TBC1D1: variants seen among roughly 807,000 people sequenced by gnomAD.
The protein encoded by TBC1D1 is TBC1 domain family member 1, also known as TBC1 (tre-2/USP6, BUB2, cdc16) domain family, member 1.
A neutral mutation model predicts 125.6 loss-of-function variants in TBC1D1; 89 were observed. The ratio of observed to expected loss-of-function variants is 0.71; its 90% CI spans 0.60 to 0.85. TBC1D1 has a LOEUF of 0.85. TBC1D1 is among the 40% of genes least tolerant of loss of function. The probability of loss-of-function intolerance (pLI) is 0.00; values close to 1 mark genes in which losing one functional copy is unlikely to be tolerated. For synonymous variants in TBC1D1, 565 were observed against 564.1 expected (o/e 1.00, Z -0.02); for missense variants, 1,377 against 1,469.2 (o/e 0.94, Z 1.03).
chr4:37,925,376 G>A (rs1721855877), intron 2 of TBC1D1, among the ~76,000 whole-genome samples: 1 of 152,090 alleles, frequency 6.6e-6, no homozygotes, highest in South Asian at 2.1e-4. Context: ...TAGGTGGAAG[G>A]AACAAAGAAA....
chr4:38,101,948 T>C (rs976654039), intron 14 of TBC1D1, among the ~76,000 whole-genome samples: 4 of 152,066 alleles, frequency 2.6e-5, no homozygotes, highest in Admixed American at 2.0e-4. Flanking sequence ...AAGGATTCTG[T>C]GGAACCTTGA....
intron 2 of TBC1D1, among the ~76,000 whole-genome samples, chr4:38,009,038 A>C (rs1475923130): frequency 2.6e-5 from 4 of 152,214 alleles, no homozygotes; most frequent in Non-Finnish European, 4.4e-5. Flanking sequence ...GATTTAAGTA[A>C]TAGGCACTCA....
At chr4:37,976,616 C>T (rs1463872196) in intron 2 of TBC1D1, among the ~76,000 whole-genome samples, 4 of 151,816 alleles carry the variant, frequency 2.6e-5, no homozygotes, top group Admixed American at 6.6e-5. Flanking sequence ...CCACCTGACA[C>T]ATGCATAACA....
chr4:37,948,603 G>A (rs558498473), intron 2 of TBC1D1, among the ~76,000 whole-genome samples: 1 of 150,236 alleles, frequency 6.7e-6, no homozygotes, highest in East Asian at 2.0e-4. Flanking sequence ...ACTCCAGCCT[G>A]GGCAACAGAG....
In TBC1D1 at chr4:38,104,159, CAAAAAAAA is replaced by C. The variant is rs71658758; in HGVS notation, c.2557+1019_2557+1026del. On this transcript the variant is annotated intron_variant, in intron 15 of 19. Coordinates refer to ENST00000261439, the MANE Select transcript of TBC1D1 (RefSeq NM_015173.4). ...TGGGTGACAGAATGAGACTCTGTCT[CAAAAAAAA>C]AAAAAAAAAAAAAAAAGTGTATGGG... is the stretch of plus-strand genomic sequence containing the variant. Among the ~76,000 whole-genome samples the C allele has an allele frequency of 5.1e-3, 424 of 83,950 alleles. 4 individuals carry two copies. Among genetic ancestry groups the C allele is most frequent in the African/African-American group, 0.016 (355 of 22,218 alleles). 55.1% of individuals were successfully genotyped at this position (83,950 alleles called of 152,430 possible).
chr4:37,960,356 T>C (rs1729731064), intron 2 of TBC1D1: 8 of 1,286,144 alleles, frequency 6.2e-6, no homozygotes, highest in Non-Finnish European at 8.6e-6. Flanking sequence ...ATTTCCACTA[T>C]AGTTAACATT....
At chr4:38,112,558 A>T (rs1428395524) in intron 15 of TBC1D1, among the ~76,000 whole-genome samples, 1 of 152,174 alleles carries the variant, frequency 6.6e-6, no homozygotes, top group Non-Finnish European at 1.5e-5. Context: ...TCCCTTTTTA[A>T]AAAGAGGAAG....
intron 13 of TBC1D1, 30 bp downstream of exon 15, chr4:38,090,147 C>A: frequency 6.2e-7 from 1 of 1,606,510 alleles, no homozygotes; most frequent in Non-Finnish European, 8.5e-7. Flanking sequence ...ATTGAACAGG[C>A]CTGGTCTTAT....
chr4:37,937,572 A>G (rs1724644156), intron 2 of TBC1D1, among the ~76,000 whole-genome samples: 1 of 152,180 alleles, frequency 6.6e-6, no homozygotes, highest in Non-Finnish European at 1.5e-5. Flanking sequence ...CAAGCTCCCT[A>G]TAATAGCTAG....
At chr4:38,032,583 C>T (rs1208515233) in intron 7 of TBC1D1, among the ~76,000 whole-genome samples, 3 of 151,976 alleles carry the variant, frequency 2.0e-5, no homozygotes, top group Non-Finnish European at 4.4e-5. Context: ...GCCTGTAATC[C>T]CAGCACTTTG....
chr4:38,081,334 A>G (rs1043180875), intron 12 of TBC1D1, among the ~76,000 whole-genome samples: 6 of 152,048 alleles, frequency 3.9e-5, no homozygotes, highest in Non-Finnish European at 7.4e-5. Flanking sequence ...TGACCTTGGA[A>G]CTGAGCATTG....
At chr4:38,096,751 A>G (rs1471147682) in intron 14 of TBC1D1, among the ~76,000 whole-genome samples, 1 of 152,234 alleles carries the variant, frequency 6.6e-6, no homozygotes, top group African/African-American at 2.4e-5. Flanking sequence ...CAGCAATGTG[A>G]CACAGTGATC....
At chr4:38,037,843 A>G (rs77503348) in intron 8 of TBC1D1, among the ~76,000 whole-genome samples, 1 of 152,158 alleles carries the variant, frequency 6.6e-6, no homozygotes, top group African/African-American at 2.4e-5. Context: ...AATAGAAAAA[A>G]CCCTGAATGA....
At chr4:37,974,154 T>G (rs1165866586) in intron 2 of TBC1D1, among the ~76,000 whole-genome samples, 1 of 152,204 alleles carries the variant, frequency 6.6e-6, no homozygotes, top group Non-Finnish European at 1.5e-5. Flanking sequence ...GCAGGGAATA[T>G]CACTGCTTAA....
At chr4:37,908,114 G>A (rs1322274119) in intron 2 of TBC1D1, among the ~76,000 whole-genome samples, 2 of 152,066 alleles carry the variant, frequency 1.3e-5, no homozygotes. Flanking sequence ...GATGGTAATA[G>A]GTGGAGAAGT....
At chr4:37,968,703 T>G (rs1731498879) in intron 2 of TBC1D1, among the ~76,000 whole-genome samples, 1 of 152,216 alleles carries the variant, frequency 6.6e-6, no homozygotes, top group South Asian at 2.1e-4. Flanking sequence ...TCTTGTCACC[T>G]GAAGATTCAT....
At chr4:37,892,434 G>T (rs1295281077) in intron 1 of TBC1D1, among the ~76,000 whole-genome samples, 1 of 152,052 alleles carries the variant, frequency 6.6e-6, no homozygotes, top group East Asian at 1.9e-4. Flanking sequence ...AAAGAGTTTA[G>T]GGGACATTTT....
At chr4:38,121,224 C>A (rs1038527188) in intron 17 of TBC1D1, among the ~76,000 whole-genome samples, 1 of 152,160 alleles carries the variant, frequency 6.6e-6, no homozygotes, top group Non-Finnish European at 1.5e-5. Context: ...AGGACCGCAG[C>A]CTTCCAGAAG....
intron 19 of TBC1D1, among the ~76,000 whole-genome samples, chr4:38,133,867 CAGCACGGAGACCAG>C (rs1300117146): frequency 6.6e-6 from 1 of 152,178 alleles, no homozygotes; most frequent in East Asian, 1.9e-4. Context: ...CACTGAGGTG[CAGCACGGAGACCAG>C]AGCTGGCCAG....
Sources: gnomAD v4.1 joint callset for allele counts (sites outside exome capture counted in the v4.1 genomes callset) on GRCh38, gnomAD v4.1.1 for gene constraint, MANE v1.5 for transcripts, NCBI Gene and HGNC (gene_info 2026-07-23, HGNC 2026-07-21) for gene names.